MRPS5: variants seen among roughly 807,000 people sequenced by gnomAD.
The protein encoded by MRPS5 is small ribosomal subunit protein uS5m.
Under a neutral mutation model 51.9 loss-of-function variants are expected in MRPS5, and 27 were observed. The observed-to-expected ratio is 0.52, with a 90% CI of 0.38 to 0.72. The LOEUF (loss-of-function observed/expected upper bound fraction) is 0.72. Among genes scored for constraint, MRPS5 ranks in the 30% least tolerant of loss-of-function variants. The pLI is 0.00. For missense variants in MRPS5, 570 were observed against 545.7 expected (o/e 1.04, Z -0.44); for synonymous variants, 196 against 193.2 (o/e 1.01, Z -0.12).
chr2:95,095,972 AGAGAG>A (rs967689750), intron 10 of MRPS5, among the ~76,000 whole-genome samples: 3 of 152,208 alleles, frequency 2.0e-5, no homozygotes, highest in Non-Finnish European at 4.4e-5. Context: ...AAGACTAAGA[AGAGAG>A]AAGAATCAAA....
chr2:95,097,416 G>C (rs1183956697), intron 10 of MRPS5, among the ~76,000 whole-genome samples: 1 of 152,158 alleles, frequency 6.6e-6, no homozygotes, highest in African/African-American at 2.4e-5. Context: ...AAAGAACAAA[G>C]CTGGAGGCAT....
intron 10 of MRPS5, among the ~76,000 whole-genome samples, chr2:95,097,227 A>G (rs1675653582): frequency 6.6e-6 from 1 of 152,246 alleles, no homozygotes; most frequent in Non-Finnish European, 1.5e-5. Flanking sequence ...ATGCTCATGG[A>G]TAGGAAGAAT....
At chr2:95,090,272 T>A in intron 11 of MRPS5, 114 bp downstream of exon 11, 26 of 870,542 alleles carry the variant, frequency 3.0e-5, no homozygotes, top group East Asian at 6.8e-5. Flanking sequence ...AATGCCCAAC[T>A]CCTCAGGTGG....
In MRPS5 at chr2:95,121,737, C is replaced by T. The variant is rs1453340293; in HGVS notation, c.55G>A (p.Ala19Thr). 12 of 1,546,862 alleles carry T rather than the reference C, an allele frequency of 7.8e-6. No individual in the cohort carries two copies. The highest frequency in any genetic ancestry group is 1.4e-5 in the African/African-American group (1 of 71,944). ...CTCCCGGCGTCCCAGCTCTCACCTG[C>T]CGTCCCGCTACACAGCACGGGGAGG... Reference protein sequence around the residue: ...GCLPVLCSGTAGHLLGRQCSL... With the variant: ...GCLPVLCSGTTGHLLGRQCSL... The change falls in exon 1 of 12, where the codon GCA becomes ACA. Residue 19 changes from alanine to threonine, a missense_variant. By Grantham distance (58) the Ala-to-Thr change is moderately conservative (BLOSUM62 0). Transcript: ENST00000272418.
Position 95,108,206 on chromosome 2 carries a change from A to T in MRPS5, c.606T>A (p.Ser202Arg). 1.2e-6 allele frequency: 2 copies of T among 1,614,162 alleles called. No homozygotes were observed. The highest frequency in any genetic ancestry group is 8.5e-7 in the Non-Finnish European group (1 of 1,180,022). ...AGGGACCAGGGTCAGGGGGGCCAAGACTGATGCCTCCCCATGAGTTTCCAC... is the reference window on the plus strand; with the variant it reads ...AGGGACCAGGGTCAGGGGGGCCAAGTCTGATGCCTCCCCATGAGTTTCCAC... ...GWSGNSWGGI[S>R]LGPPDPGPCG... Residue 202 changes from serine (S) to arginine (R), a missense_variant, in exon 5 of 12, where the codon AGT becomes AGA. Ser to Arg is a moderately radical substitution (Grantham distance 110, BLOSUM62 -1). Transcript: ENST00000272418.
At chr2:95,099,496 T>G (rs766383439) in intron 10 of MRPS5, among the ~76,000 whole-genome samples, 3 of 152,216 alleles carry the variant, frequency 2.0e-5, no homozygotes, top group Non-Finnish European at 4.4e-5. Context: ...TATATTCTTT[T>G]TTTGTACTAG....
chr2:95,094,629 T>G (rs185243613), intron 10 of MRPS5, among the ~76,000 whole-genome samples: 555 of 152,250 alleles, frequency 3.6e-3, no homozygotes, highest in Non-Finnish European at 5.4e-3. Context: ...CCAGCCAAAC[T>G]AAGCTTCATA....
intron 11 of MRPS5, among the ~76,000 whole-genome samples, chr2:95,090,176 C>CA (rs35901146): frequency 0.082 from 3,317 of 40,494 alleles, 148 homozygotes; most frequent in African/African-American, 0.17. Flanking sequence ...GACTCCGTCT[C>CA]AAAAAAAAAA....
intron 4 of MRPS5, 140 bp from the exon 5 acceptor site, chr2:95,108,548 A>C: frequency 2.8e-6 from 2 of 704,566 alleles, no homozygotes; most frequent in Non-Finnish European, 4.6e-6. Context: ...TTGGTAGGTC[A>C]CTTGGCACAA....
chr2:95,113,803 C>T lies in MRPS5; in HGVS notation c.277+1263G>A, dbSNP rs1444693741. Reference sequence around the variant, plus strand: ...CATAACGTCGCACTGCAGAAGTCCACGGAAAAATGCAATATATTACATTAA... The same window carrying T: ...CATAACGTCGCACTGCAGAAGTCCATGGAAAAATGCAATATATTACATTAA... On this transcript the variant is annotated intron_variant, in intron 3 of 11. Transcript: ENST00000272418. 2.6e-5 allele frequency among the ~76,000 whole-genome samples: 4 copies of T among 151,954 alleles called. No individual in the cohort carries two copies. In the East Asian group the frequency reaches 7.8e-4, roughly 29 times the overall value.
intron 1 of MRPS5, 131 bp downstream of exon 1, chr2:95,121,603 G>C: frequency 9.9e-7 from 1 of 1,005,702 alleles, no homozygotes; most frequent in South Asian, 1.7e-5. Flanking sequence ...CCGGCGGAAG[G>C]TGGGGGCACG....
intron 3 of MRPS5, among the ~76,000 whole-genome samples, chr2:95,112,837 T>C (rs1271665390): frequency 6.6e-6 from 1 of 151,604 alleles, no homozygotes; most frequent in African/African-American, 2.4e-5. Flanking sequence ...ACCCCATCTC[T>C]ACTAAAAATA....
Position 95,087,592 on chromosome 2 carries a change from C to A in MRPS5, c.1069-11G>T. The A allele has an allele frequency of 6.2e-7, 1 of 1,608,768 alleles. No individual in the cohort carries two copies. The highest frequency in any genetic ancestry group is 8.5e-7 in the Non-Finnish European group (1 of 1,177,214). ...CTGTTGATGGGTTTCCTAAGCAAGA[C>A]CAAATTCAGAACAGGTTAGGTCTGA... On this transcript the variant is annotated splice_polypyrimidine_tract_variant and intron_variant, in intron 11 of 11. Transcript: ENST00000272418.
rs201430985 is a variant in MRPS5 at position 95,115,149 on chromosome 2, C to T, written c.194G>A (p.Arg65His). The T allele has an allele frequency of 1.5e-5, 24 of 1,612,572 alleles. No individual in the cohort carries two copies. Among genetic ancestry groups the T allele is most frequent in the Non-Finnish European group, 1.6e-5 (19 of 1,179,640 alleles). The change falls in exon 3 of 12, where the codon CGT becomes CAT. Residue 65 changes from arginine to histidine, a missense_variant. By Grantham distance (29) the Arg-to-His change is conservative. Coordinates refer to ENST00000272418, the MANE Select transcript of MRPS5 (RefSeq NM_031902.5). Reference protein sequence around the residue: ...RDTHPYASLSRALQTQCCISS... With the variant: ...RDTHPYASLSHALQTQCCISS... ...AATACAGCATTGTGTCTGCAGTGCACGGCTCAAGCTGGCGTAGGGATGGGT... is the reference window on the plus strand; with the variant it reads ...AATACAGCATTGTGTCTGCAGTGCATGGCTCAAGCTGGCGTAGGGATGGGT...
At chr2:95,106,911 G>A (rs1675967157) in intron 5 of MRPS5, among the ~76,000 whole-genome samples, 1 of 152,064 alleles carries the variant, frequency 6.6e-6, no homozygotes, top group African/African-American at 2.4e-5. Flanking sequence ...GGGTGCTGCT[G>A]GAAAGAAGTC....
intron 10 of MRPS5, among the ~76,000 whole-genome samples, chr2:95,097,198 A>G (rs1675652194): frequency 6.6e-6 from 1 of 152,236 alleles, no homozygotes; most frequent in African/African-American, 2.4e-5. Context: ...GAGGACACAA[A>G]CAAATGGAAG....
rs145145195 is a variant in MRPS5, at chr2:95,108,085, T to G, written c.637+90A>C. 3.6e-3 allele frequency: 4,094 copies of G among 1,122,012 alleles called. 15 individuals are homozygous for G. The highest frequency in any genetic ancestry group is 4.9e-3 in the Non-Finnish European group (3,701 of 749,182). 69.5% of individuals were successfully genotyped at this position (1,122,012 alleles called of 1,614,324 possible). ...AAATCTTTTTTGGAAAAAGGTAGTA[T>G]AAACAGACAAGTAATAACACCATTT... is the stretch of plus-strand genomic sequence containing the variant. On this transcript the variant is annotated intron_variant, in intron 5 of 11. Transcript: ENST00000272418.
chr2:95,104,034 C>CATTTCA (rs1306908107), intron 7 of MRPS5: 1 of 152,450 alleles, frequency 6.6e-6, no homozygotes, highest in East Asian at 1.9e-4. Context: ...GACATGAATA[C>CATTTCA]ATTTCAAAAA....
chr2:95,107,132 A>C (rs1675973175), intron 5 of MRPS5, among the ~76,000 whole-genome samples: 1 of 152,236 alleles, frequency 6.6e-6, no homozygotes, highest in South Asian at 2.1e-4. Flanking sequence ...CAGAAAGCTT[A>C]TGTATACATT....
Sources: allele counts gnomAD v4.1 joint callset (sites outside exome capture counted in the v4.1 genomes callset), GRCh38; gene constraint gnomAD v4.1.1; transcripts MANE v1.5; gene names NCBI Gene and HGNC (gene_info 2026-07-23, HGNC 2026-07-21).